Variants in SLC2A6 observed in about 807,000 individuals in gnomAD.
SLC2A6 encodes the protein solute carrier family 2, facilitated glucose transporter member 6.
Under a neutral mutation model 47.8 loss-of-function variants are expected in SLC2A6, and 39 were observed. The observed-to-expected ratio is 0.82, with a 90% CI of 0.63 to 1.07. SLC2A6 has a LOEUF of 1.07. Among genes scored for constraint, SLC2A6 ranks in the 50% least tolerant of loss-of-function variants. SLC2A6 has a pLI of 0.00. For synonymous variants in SLC2A6, 346 were observed against 324.1 expected (o/e 1.07, Z -0.73); for missense variants, 650 against 707.6 (o/e 0.92, Z 0.92).
Position 133,476,301 on chromosome 9 carries a change from A to C in SLC2A6, c.498T>G (p.Arg166=), listed in dbSNP as rs782339204. 1.6e-5 allele frequency: 26 copies of C among 1,612,898 alleles called. No individual in the cohort carries two copies. The highest frequency in any genetic ancestry group is 4.2e-6 in the Non-Finnish European group (5 of 1,179,954). Residue 166 remains arginine (R), a synonymous_variant, in exon 4 of 10, where the codon CGT becomes CGG. Coordinates refer to ENST00000371899, the MANE Select transcript of SLC2A6 (RefSeq NM_017585.4). The part of the protein sequence containing the change: ...YVSEIAPPGV[R]GALGATPQLM... ...GCTGGGGTGTGGCCCCCAGAGCCCCACGAACGCCTGGGGGAGCAATCTCAG... is the reference window on the plus strand; with the variant it reads ...GCTGGGGTGTGGCCCCCAGAGCCCCCCGAACGCCTGGGGGAGCAATCTCAG...
intron 1 of SLC2A6, 109 bp from the exon 2 acceptor site, chr9:133,478,525 G>C (rs3094326): frequency 0.15 from 198,050 of 1,291,802 alleles, 16,683 homozygotes; most frequent in Non-Finnish European, 0.17. Flanking sequence ...GTGCTAGGGA[G>C]GCCTGGGTCC....
Position 133,477,030 on chromosome 9 carries a change from CTT to C in SLC2A6, c.462+3_462+4del, listed in dbSNP as rs1474033493. ...GGGCGCCTGGGTGGGAAGGCCTGGC[CTT>C]ACCGGGATGCAGGCAGCTGTGAGCC... On this transcript the variant is annotated splice_donor_region_variant and intron_variant, in intron 3 of 9. Coordinates refer to ENST00000371899, the MANE Select transcript of SLC2A6 (RefSeq NM_017585.4). 1.0e-5 allele frequency: 16 copies of C among 1,547,452 alleles called. No homozygotes were observed. The highest frequency in any genetic ancestry group is 5.9e-5 in the Admixed American group (3 of 50,586).
In SLC2A6 at chr9:133,479,092, C is replaced by T. The variant is rs782814200; in HGVS notation, c.-33G>A. ...TCTCTCTCGGGGCGAGCGGAGGGCG[C>T]TCAGACTGGAGCAGCCGCCCGGGGC... On this transcript the variant is annotated 5_prime_UTR_variant, in exon 1 of 10. Transcript: ENST00000371899. The T allele has an allele frequency of 2.6e-6, 4 of 1,552,540 alleles. No homozygotes were observed. Among genetic ancestry groups the T allele is most frequent in the African/African-American group, 2.8e-5 (2 of 70,854 alleles).
Position 133,474,181 on chromosome 9 carries a change from T to C in SLC2A6, c.928-93A>G, listed in dbSNP as rs1843855045. 3.0e-6 allele frequency: 3 copies of C among 998,708 alleles called. No homozygotes were observed. The African/African-American group carries it at 4.8e-5, about 16-fold the overall frequency. The allele number at this position is 998,708 out of a possible 1,614,324, so 61.9% of individuals were successfully genotyped here. A position where few individuals can be genotyped will look rare whatever the true frequency, so the allele number is the denominator to read the frequency against. ...TTGTCCCGGCAGGCATTGCAGGGGC[T>C]CAGGCCAGCAGCTCAGTGCAGTACT... On this transcript the variant is annotated intron_variant, in intron 6 of 9. Transcript: ENST00000371899.
intron 6 of SLC2A6, among the ~76,000 whole-genome samples, chr9:133,474,431 G>A (rs1351240559): frequency 2.0e-5 from 3 of 152,234 alleles, no homozygotes; most frequent in Non-Finnish European, 4.4e-5. Context: ...TCTTGCAGAG[G>A]AGGAAGTTGA....
chr9:133,473,986 CGAA>C lies in SLC2A6; in HGVS notation c.1027_1029del (p.Phe343del). The C allele has an allele frequency of 6.2e-7, 1 of 1,605,240 alleles. No homozygotes were observed. The highest frequency in any genetic ancestry group is 8.5e-7 in the Non-Finnish European group (1 of 1,175,424). On this transcript the variant is annotated inframe_deletion, in exon 7 of 10. Coordinates refer to ENST00000371899, the MANE Select transcript of SLC2A6 (RefSeq NM_017585.4). ...CTGCCTGCAGGGTGCTTACCTGAGA[CGAA>C]GAGCAGCACCTTGCGGCCTGCGAGG...
intron 6 of SLC2A6, 61 bp from the exon 7 acceptor site, chr9:133,474,149 AC>A: frequency 7.2e-7 from 1 of 1,386,536 alleles, no homozygotes; most frequent in Non-Finnish European, 9.8e-7. Context: ...CCCCTCCAGG[AC>A]CCAGCTTGTC....
rs587624998 is a variant in SLC2A6, at chr9:133,473,332, C to T, written c.1223-82G>A. ...CTGTCTCCGCTGAGCTGCTGGAGAC[C>T]CCCCTCTCCAGCCACCCCAGACACA... is the stretch of plus-strand genomic sequence containing the variant. On this transcript the variant is annotated intron_variant, in intron 8 of 9. Transcript: ENST00000371899. 2.6e-6 allele frequency: 4 copies of T among 1,536,200 alleles called. No individual in the cohort carries two copies. In the East Asian group the frequency reaches 9.8e-5, roughly 37 times the overall value.
intron 1 of SLC2A6, 141 bp from the exon 2 acceptor site, chr9:133,478,557 G>T (rs1291240337): frequency 2.3e-6 from 2 of 885,422 alleles, no homozygotes; most frequent in East Asian, 2.6e-5. Context: ...CGTTCCCAGG[G>T]CCTGAGCCCC....
In SLC2A6 at chr9:133,475,554, A is replaced by G. The variant is rs990491805; in HGVS notation, c.620T>C (p.Met207Thr). The change falls in exon 5 of 10, where the codon ATG becomes ACG. Residue 207 changes from methionine (M) to threonine (T), a missense_variant. By Grantham distance (81) the Met-to-Thr change is moderately conservative. Transcript: ENST00000371899. The part of the protein sequence containing the change: ...AVAGEAPVLI[M>T]ILLLSFMPNS... The stretch of plus-strand genomic sequence containing the variant: ...GGGCATGAAGCTGAGCAGCAGGATC[A>G]TGATGAGCACAGGCGCCTCCCCGGC... 6.2e-7 allele frequency: 1 copy of G among 1,609,768 alleles called. No individual in the cohort carries two copies. Among genetic ancestry groups the G allele is most frequent in the African/African-American group, 1.3e-5 (1 of 74,868 alleles).
Position 133,472,171 on chromosome 9 carries a change from G to T in SLC2A6, c.1374C>A (p.Thr458=). ...LTKSFLPVVS[T]FGLQVPFFFF... Reference sequence around the variant, plus strand: ...AGAAGAAAGGCACCTGGAGGCCGAAGGTGCTCTGCGGGTGAAGAGCGGGGC... The same window carrying T: ...AGAAGAAAGGCACCTGGAGGCCGAATGTGCTCTGCGGGTGAAGAGCGGGGC... The change falls in exon 10 of 10, where the codon ACC becomes ACA. Residue 458 remains threonine, a synonymous_variant. Coordinates refer to ENST00000371899, the MANE Select transcript of SLC2A6 (RefSeq NM_017585.4). 4 of 1,612,884 alleles carry T rather than the reference G, an allele frequency of 2.5e-6. No homozygotes were observed. The highest frequency in any genetic ancestry group is 3.4e-6 in the Non-Finnish European group (4 of 1,179,884).
chr9:133,479,050 G>T lies in SLC2A6; in HGVS notation c.10C>A (p.Pro4Thr). The T allele has an allele frequency of 6.3e-7, 1 of 1,597,138 alleles. No individual in the cohort carries two copies. MQE[P>T]LLGAEGPDYD... ...TCCGGGCCCTCGGCTCCCAGCAGCG[G>T]CTCCTGCATGGCCGGGTCTCTCTCG... The change falls in exon 1 of 10, where the codon CCG becomes ACG. Residue 4 changes from proline (P) to threonine (T), a missense_variant. Transcript: ENST00000371899.
At chr9:133,476,927 C>T in intron 3 of SLC2A6, 108 bp downstream of exon 3, 1 of 1,272,010 alleles carries the variant, frequency 7.9e-7, no homozygotes, top group African/African-American at 1.5e-5. Context: ...GGAAGGCAAA[C>T]AATTCTCATT....
chr9:133,476,939 C>T, intron 3 of SLC2A6, 96 bp downstream of exon 3: 1 of 1,344,004 alleles, frequency 7.4e-7, no homozygotes. Context: ...ATTCTCATTG[C>T]CCAGAAGGCA....
rs115835881 is a variant in SLC2A6 at position 133,475,412 on chromosome 9, G to A, written c.762C>T (p.Asn254=). 3,620 of 1,602,286 alleles carry A rather than the reference G, an allele frequency of 2.3e-3. 75 individuals are homozygous for A. The African/African-American group carries it at 0.043, about 19-fold the overall frequency. Residue 254 remains asparagine (N), a synonymous_variant, in exon 5 of 10, where the codon AAC becomes AAT. Coordinates refer to ENST00000371899, the MANE Select transcript of SLC2A6 (RefSeq NM_017585.4). ...CACCCTCCTGCACCTGTCTCCGGAC[G>A]TTGTCCTGGATCTGCTCGAACTCCC... ...VHWEFEQIQD[N]VRRQSSRVSW...
Position 133,471,988 on chromosome 9 carries a change from G to A in SLC2A6, c.*33C>T, listed in dbSNP as rs1554801570. 2 of 1,600,820 alleles carry A rather than the reference G, an allele frequency of 1.2e-6. No homozygotes were observed. The highest frequency in any genetic ancestry group is 1.1e-5 in the South Asian group (1 of 90,710). Reference sequence around the variant, plus strand: ...AGCCAACACAGAGGCCCAGCCACTGGGGGTTTGGCCCCCTCCAGGCGGGGA... The same window carrying A: ...AGCCAACACAGAGGCCCAGCCACTGAGGGTTTGGCCCCCTCCAGGCGGGGA... On this transcript the variant is annotated 3_prime_UTR_variant, in exon 10 of 10. Transcript: ENST00000371899.
At chr9:133,478,723 C>A (rs891020360) in intron 1 of SLC2A6, 1 of 586,594 alleles carries the variant, frequency 1.7e-6, no homozygotes, top group East Asian at 2.9e-5. Context: ...CCCCTGCTCG[C>A]TGGGGCCTCA....
chr9:133,473,778 T>C (rs1011893515), intron 7 of SLC2A6, 178 bp from the exon 8 acceptor site: 8 of 757,906 alleles, frequency 1.1e-5, no homozygotes, highest in Non-Finnish European at 1.2e-5. Flanking sequence ...CACCGTGGAG[T>C]GTCACAGCCA....
rs1274844949 is a variant in SLC2A6 at position 133,476,222 on chromosome 9, C to T, written c.562+15G>A. ...TCCCACCAGCCTGCACACAGGAGTGCGGGGCCATACTTGCCAAGGGCGTAG... is the reference window on the plus strand; with the variant it reads ...TCCCACCAGCCTGCACACAGGAGTGTGGGGCCATACTTGCCAAGGGCGTAG... On this transcript the variant is annotated intron_variant, in intron 4 of 9. Transcript: ENST00000371899. 4 of 1,599,566 alleles carry T rather than the reference C, an allele frequency of 2.5e-6. No homozygotes were observed. Among genetic ancestry groups the T allele is most frequent in the South Asian group, 1.1e-5 (1 of 90,694 alleles).
Sources: gnomAD v4.1 joint callset for allele counts (sites outside exome capture counted in the v4.1 genomes callset) on GRCh38, gnomAD v4.1.1 for gene constraint, MANE v1.5 for transcripts, NCBI Gene and HGNC (gene_info 2026-07-23, HGNC 2026-07-21) for gene names.